E2F5: variants seen among roughly 807,000 people sequenced by gnomAD.
E2F5 encodes E2F transcription factor 5.
A neutral mutation model predicts 39.1 loss-of-function variants in E2F5; 23 were observed. The ratio of observed to expected loss-of-function variants is 0.59; its 90% CI spans 0.42 to 0.83. The LOEUF (loss-of-function observed/expected upper bound fraction) is 0.83. Ranked by LOEUF, E2F5 falls within the 40% of genes least tolerant of loss-of-function variation. The pLI is 0.00. For missense variants in E2F5, 365 were observed against 406.7 expected (o/e 0.90, Z 0.88); for synonymous variants, 145 against 157.8 (o/e 0.92, Z 0.61).
chr8:85,209,989 TGTTTC>T (rs1563983814), intron 6 of E2F5, among the ~76,000 whole-genome samples: 1 of 152,212 alleles, frequency 6.6e-6, no homozygotes, highest in Non-Finnish European at 1.5e-5. Flanking sequence ...TTTCCTCATT[TGTTTC>T]ATTTATGAAA....
rs375923065 is a variant in E2F5, at chr8:85,209,241, G to A, written c.715G>A (p.Val239Met). 33 of 1,613,822 alleles carry A rather than the reference G, an allele frequency of 2.0e-5. No homozygotes were observed. The highest frequency in any genetic ancestry group is 8.9e-5 in the East Asian group (4 of 44,890). ...INKESSSSKP[V>M]VFPVPPPDDL... ...TAAAGAGTCGAGTTCATCTAAGCCC[G>A]TGGTTTTTCCTGTTCCCCCACCTGA... Residue 239 changes from valine (V) to methionine (M), a missense_variant, in exon 6 of 8, where the codon GTG becomes ATG. Transcript: ENST00000416274.
intron 1 of E2F5, among the ~76,000 whole-genome samples, chr8:85,189,095 C>T (rs1042647281): frequency 6.6e-6 from 1 of 152,142 alleles, no homozygotes; most frequent in African/African-American, 2.4e-5. Flanking sequence ...TTAATTTCAC[C>T]AGTAAAGACT....
chr8:85,212,999 A>ATGATTCTCC (rs1206079375), intron 7 of E2F5: 1 of 150,110 alleles, frequency 6.7e-6, no homozygotes, highest in Non-Finnish European at 1.5e-5. Flanking sequence ...CTAGGTTCAA[A>ATGATTCTCC]TGATTCTCCT....
chr8:85,182,553 G>A (rs1254338688), intron 1 of E2F5, among the ~76,000 whole-genome samples: 1 of 152,186 alleles, frequency 6.6e-6, no homozygotes, highest in Non-Finnish European at 1.5e-5. Flanking sequence ...TCTGCCCAAG[G>A]TGGAAAAGAA....
intron 6 of E2F5, among the ~76,000 whole-genome samples, chr8:85,211,903 A>G (rs866066386): frequency 7.9e-5 from 12 of 151,952 alleles, no homozygotes; most frequent in African/African-American, 2.2e-4. Context: ...TCAGCCTCCC[A>G]AAGTGCTAGA....
intron 1 of E2F5, among the ~76,000 whole-genome samples, chr8:85,180,511 C>CATATATATATATATATATATATAT (rs58188216): frequency 1.2e-5 from 1 of 80,862 alleles, no homozygotes; most frequent in Non-Finnish European, 2.1e-5. Flanking sequence ...AGAAACTATA[C>CATATATATATATATATATATATAT]ATATATATAT....
At chr8:85,186,883 GTA>G (rs1191829256) in intron 1 of E2F5, among the ~76,000 whole-genome samples, 5 of 146,450 alleles carry the variant, frequency 3.4e-5, no homozygotes, top group Non-Finnish European at 7.5e-5. Context: ...TATATATATG[GTA>G]TATATATATG....
chr8:85,193,220 C>T (rs546328805), intron 1 of E2F5, among the ~76,000 whole-genome samples: 2 of 152,186 alleles, frequency 1.3e-5, no homozygotes, highest in Non-Finnish European at 2.9e-5. Flanking sequence ...TGCAGTGGCT[C>T]ATGCCTGTAC....
intron 1 of E2F5, among the ~76,000 whole-genome samples, chr8:85,188,340 A>AT (rs1812389136): frequency 1.1e-5 from 1 of 94,898 alleles, no homozygotes; most frequent in Non-Finnish European, 2.1e-5. Context: ...TTTTTTGGAG[A>AT]TTGAAGACTT....
Position 85,194,736 on chromosome 8 carries a change from T to C in E2F5, c.235-7411T>C, listed in dbSNP as rs188598586. 1.6e-3 allele frequency among the ~76,000 whole-genome samples: 245 copies of C among 151,594 alleles called. 1 individual carries two copies. The highest frequency in any genetic ancestry group is 5.6e-3 in the African/African-American group (231 of 41,414). ...TTTTAGTAGAGACAGGGTTTCACCATCTTGGCCAGGCTGGTCTTCAACTCC... is the reference window on the plus strand; with the variant it reads ...TTTTAGTAGAGACAGGGTTTCACCACCTTGGCCAGGCTGGTCTTCAACTCC... On this transcript the variant is annotated intron_variant, in intron 1 of 7. Coordinates refer to ENST00000416274, the MANE Select transcript of E2F5 (RefSeq NM_001951.4).
intron 1 of E2F5, 31 bp downstream of exon 1, chr8:85,177,685 C>A: frequency 8.0e-7 from 1 of 1,249,788 alleles, no homozygotes; most frequent in Non-Finnish European, 1.0e-6. Flanking sequence ...CGGGGGCGGA[C>A]TTCGGAACCC....
chr8:85,207,617 A>AGTATTGAT (rs1364846816), intron 5 of E2F5, 128 bp downstream of exon 5: 1 of 631,496 alleles, frequency 1.6e-6, no homozygotes, highest in African/African-American at 1.9e-5. Flanking sequence ...TTTATCTAAA[A>AGTATTGAT]GTATTGATAG....
chr8:85,201,065 C>T (rs1474266241), intron 1 of E2F5, among the ~76,000 whole-genome samples: 1 of 152,210 alleles, frequency 6.6e-6, no homozygotes, highest in Non-Finnish European at 1.5e-5. Flanking sequence ...TGACATTTCT[C>T]TTAAGATCCC....
At position 85,197,023 on chromosome 8, in the gene E2F5, G is replaced by T. The variant is rs532659180; in HGVS notation, c.235-5124G>T. 5.3e-5 allele frequency among the ~76,000 whole-genome samples: 8 copies of T among 152,266 alleles called. No homozygotes were observed. The South Asian group carries it at 6.2e-4, about 12-fold the overall frequency. On this transcript the variant is annotated intron_variant, in intron 1 of 7. Transcript: ENST00000416274. ...AAATATAGGCAATTTTGGAGCATCAGTTGGGGGCCTTCCCATCTTCTTTTC... is the reference window on the plus strand; with the variant it reads ...AAATATAGGCAATTTTGGAGCATCATTTGGGGGCCTTCCCATCTTCTTTTC...
intron 5 of E2F5, among the ~76,000 whole-genome samples, chr8:85,208,025 A>G (rs1812833217): frequency 6.6e-6 from 1 of 152,218 alleles, no homozygotes; most frequent in Non-Finnish European, 1.5e-5. Context: ...ATCTATAAAA[A>G]TAAGTTAAAA....
intron 1 of E2F5, among the ~76,000 whole-genome samples, chr8:85,178,354 A>C (rs1435160810): frequency 3.9e-5 from 6 of 152,072 alleles, no homozygotes; most frequent in African/African-American, 1.4e-4. Context: ...ATATTTTACA[A>C]CTTTCACCCA....
intron 1 of E2F5, chr8:85,200,257 A>G (rs1040532227): frequency 1.7e-5 from 16 of 952,464 alleles, no homozygotes; most frequent in Non-Finnish European, 2.0e-5. Context: ...AAAAAAAAAA[A>G]AGAATGATGG....
intron 1 of E2F5, among the ~76,000 whole-genome samples, chr8:85,187,307 A>G (rs4150867): frequency 0.67 from 101,985 of 151,986 alleles, 34,726 homozygotes; most frequent in Non-Finnish European, 0.69. Context: ...TGTTAGGTTC[A>G]TTTGATCTAG....
chr8:85,212,402 G>C (rs1298327943), intron 7 of E2F5, 198 bp downstream of exon 7: 3 of 529,370 alleles, frequency 5.7e-6, no homozygotes, highest in Non-Finnish European at 1.0e-5. Flanking sequence ...CATTTTGAGG[G>C]AAAGGAATCC....
Sources: gnomAD v4.1 joint callset for allele counts (sites outside exome capture counted in the v4.1 genomes callset) on GRCh38, gnomAD v4.1.1 for gene constraint, MANE v1.5 for transcripts, NCBI Gene and HGNC (gene_info 2026-07-23, HGNC 2026-07-21) for gene names.